Variants in RORB observed in about 807,000 individuals in gnomAD.
RORB encodes the protein nuclear receptor ROR-beta.
A neutral mutation model predicts 59.1 loss-of-function variants in RORB; 6 were observed. That is an observed-to-expected ratio of 0.10 (90% confidence interval 0.06 to 0.20). RORB has a LOEUF of 0.20. Ranked by LOEUF, RORB falls within the 10% of genes least tolerant of loss-of-function variation. The pLI, the probability that RORB is intolerant of heterozygous loss-of-function variation, is 1.00. For missense variants in RORB, 320 were observed against 560.5 expected (o/e 0.57, Z 4.33); for synonymous variants, 215 against 204.5 (o/e 1.05, Z -0.44).
At chr9:74,593,380 C>T (rs1359977807) in intron 1 of RORB, among the ~76,000 whole-genome samples, 2 of 150,274 alleles carry the variant, frequency 1.3e-5, no homozygotes, top group Admixed American at 6.7e-5. Context: ...GAATGAGAAT[C>T]TCTTGAACCT....
At chr9:74,565,745 C>T (rs909613187) in intron 1 of RORB, among the ~76,000 whole-genome samples, 1 of 151,998 alleles carries the variant, frequency 6.6e-6, no homozygotes, top group Non-Finnish European at 1.5e-5. Flanking sequence ...TGTGTGTTGG[C>T]AAAATAAATC....
At chr9:74,548,971 A>T (rs574651589) in intron 1 of RORB, among the ~76,000 whole-genome samples, 26 of 152,318 alleles carry the variant, frequency 1.7e-4, no homozygotes, top group Admixed American at 6.5e-4. Context: ...AAAATATATT[A>T]AAAATAATGC....
chr9:74,550,425 AG>A (rs1040577809), intron 1 of RORB, among the ~76,000 whole-genome samples: 1 of 152,212 alleles, frequency 6.6e-6, no homozygotes, highest in African/African-American at 2.4e-5. Flanking sequence ...TTAGCAGACC[AG>A]GGTGGGGCTT....
At chr9:74,659,888 C>A (rs1015852936) in intron 4 of RORB, among the ~76,000 whole-genome samples, 2 of 152,056 alleles carry the variant, frequency 1.3e-5, no homozygotes, top group African/African-American at 4.8e-5. Flanking sequence ...TGAATATAAT[C>A]ATTTAATCAT....
intron 9 of RORB, among the ~76,000 whole-genome samples, chr9:74,681,693 C>T (rs1824549706): frequency 6.6e-6 from 1 of 152,122 alleles, no homozygotes; most frequent in Non-Finnish European, 1.5e-5. Flanking sequence ...CAAAACCAGA[C>T]ACGTAATTAA....
intron 9 of RORB, among the ~76,000 whole-genome samples, chr9:74,682,431 A>G (rs1824562406): frequency 2.0e-5 from 3 of 152,034 alleles, no homozygotes; most frequent in Admixed American, 2.0e-4. Flanking sequence ...CTTAAAGTAT[A>G]ATAAAAAAAA....
rs181328796 is a variant in RORB at position 74,619,906 on chromosome 9, G to C, written c.8-10376G>C. 2.0e-4 allele frequency among the ~76,000 whole-genome samples: 30 copies of C among 152,256 alleles called. No individual in the cohort carries two copies. The East Asian group carries it at 3.3e-3, about 17-fold the overall frequency. ...GGGATGAAGCCAACTTGATCATGGT[G>C]GATAAGCTTTTTGATGTGCTGCTGG... is the stretch of plus-strand genomic sequence containing the variant. On this transcript the variant is annotated intron_variant, in intron 1 of 9. Coordinates refer to ENST00000376896, the MANE Select transcript of RORB (RefSeq NM_006914.4).
chr9:74,646,129 CA>C (rs33997487), intron 4 of RORB, among the ~76,000 whole-genome samples: 128,457 of 148,402 alleles, frequency 0.87, 55,917 homozygotes, highest in Non-Finnish European at 0.92. Flanking sequence ...TATGTCACAC[CA>C]AAAAAAAAAA....
chr9:74,531,284 T>A (rs1013046162), intron 1 of RORB, among the ~76,000 whole-genome samples: 4 of 152,036 alleles, frequency 2.6e-5, no homozygotes, highest in African/African-American at 9.7e-5. Flanking sequence ...TTCTGCTTTT[T>A]AAAACGCAGC....
chr9:74,568,646 G>T (rs1301917091), intron 1 of RORB, among the ~76,000 whole-genome samples: 4 of 147,682 alleles, frequency 2.7e-5, no homozygotes, highest in Non-Finnish European at 4.4e-5. Context: ...GTTGAAGTGA[G>T]CCAAGGTCGC....
At chr9:74,627,098 G>C (rs763027556) in intron 1 of RORB, among the ~76,000 whole-genome samples, 1 of 149,748 alleles carries the variant, frequency 6.7e-6, no homozygotes, top group Non-Finnish European at 1.5e-5. Flanking sequence ...GGAGGCGGAG[G>C]TTGCAGTGAG....
intron 1 of RORB, among the ~76,000 whole-genome samples, chr9:74,597,534 T>C (rs1237807180): frequency 6.6e-6 from 1 of 152,260 alleles, no homozygotes; most frequent in Non-Finnish European, 1.5e-5. Flanking sequence ...TATGTTTCAC[T>C]TGAATCTTTG....
intron 1 of RORB, among the ~76,000 whole-genome samples, chr9:74,594,357 C>A (rs945140473): frequency 7.9e-5 from 12 of 152,124 alleles, no homozygotes; most frequent in African/African-American, 2.9e-4. Flanking sequence ...ATTTTCAGGT[C>A]CTCGATGGTT....
intron 1 of RORB, chr9:74,615,580 C>A (rs779927654): frequency 8.8e-6 from 4 of 453,678 alleles, no homozygotes; most frequent in East Asian, 1.4e-4. Flanking sequence ...TTCAGTTAGA[C>A]TTTTAATTGC....
rs1587412476 is a variant in RORB, at chr9:74,662,386, A to T, written c.760-88A>T. ...TCCCTCCTTTGGCCCCAAGTGACAG[A>T]TAAGCACCAGTAAGGCAAACCTGAG... On this transcript the variant is annotated intron_variant, in intron 5 of 9. Coordinates refer to ENST00000376896, the MANE Select transcript of RORB (RefSeq NM_006914.4). The T allele has an allele frequency of 3.1e-6, 4 of 1,304,328 alleles. No homozygotes were observed. In the East Asian group the frequency reaches 9.4e-5, roughly 31 times the overall value. The allele number at this position is 1,304,328 out of a possible 1,614,324, so 80.8% of individuals were successfully genotyped here.
intron 1 of RORB, among the ~76,000 whole-genome samples, chr9:74,537,388 C>A (rs1196247814): frequency 6.6e-6 from 1 of 151,882 alleles, no homozygotes; most frequent in Non-Finnish European, 1.5e-5. Context: ...CTCTTACTCA[C>A]TTTTGTTTAT....
At chr9:74,596,264 G>A (rs924061147) in intron 1 of RORB, among the ~76,000 whole-genome samples, 1 of 152,092 alleles carries the variant, frequency 6.6e-6, no homozygotes, top group African/African-American at 2.4e-5. Flanking sequence ...GGCAAAGGTA[G>A]AGACATTCGT....
intron 1 of RORB, among the ~76,000 whole-genome samples, chr9:74,585,183 C>T (rs183005650): frequency 7.6e-4 from 115 of 152,312 alleles, no homozygotes; most frequent in Admixed American, 6.3e-3. Context: ...GCATCGATAG[C>T]ATTTTATAAT....
At chr9:74,681,614 G>A (rs1199115942) in intron 9 of RORB, among the ~76,000 whole-genome samples, 1 of 152,160 alleles carries the variant, frequency 6.6e-6, no homozygotes, top group Non-Finnish European at 1.5e-5. Flanking sequence ...GGCAGAACTG[G>A]GTCCTGAACC....
Sources: allele counts gnomAD v4.1 joint callset (sites outside exome capture counted in the v4.1 genomes callset), GRCh38; gene constraint gnomAD v4.1.1; transcripts MANE v1.5; gene names NCBI Gene and HGNC (gene_info 2026-07-23, HGNC 2026-07-21).